Variants in CNMD observed in about 807,000 individuals in gnomAD.
CNMD encodes leukocyte cell-derived chemotaxin 1.
CNMD carries 30 observed loss-of-function variants against 37.5 expected under a neutral mutation model. The ratio of observed to expected loss-of-function variants is 0.80; its 90% CI spans 0.60 to 1.09. CNMD has a LOEUF of 1.09. Ranked by LOEUF, CNMD falls within the 50% of genes least tolerant of loss-of-function variation. The pLI is 0.00. For synonymous variants in CNMD, 167 were observed against 148.2 expected, an observed-to-expected ratio of 1.13 and a Z score of -0.92; for missense variants, 398 against 423.9, an observed-to-expected ratio of 0.94 and a Z score of 0.54.
At chr13:52,735,828 T>G (rs1463972717) in intron 2 of CNMD, among the ~76,000 whole-genome samples, 2 of 58,596 alleles carry the variant, frequency 3.4e-5, no homozygotes, top group Admixed American at 3.5e-4. Context: ...GCGGCCCACC[T>G]TTTTTTTTTT....
In CNMD at chr13:52,703,463, G is replaced by A. The variant is rs1480878682; in HGVS notation, c.*132C>T. ...AACAATTGAAAAAATTCTGTTAAGA[G>A]TGTCAAGAATAACCGCTCAGGTTGA... is the stretch of plus-strand genomic sequence containing the variant. On this transcript the variant is annotated 3_prime_UTR_variant, in exon 7 of 7. Transcript: ENST00000377962. 4 of 606,318 alleles carry A rather than the reference G, an allele frequency of 6.6e-6. No individual in the cohort carries two copies. The highest frequency in any genetic ancestry group is 1.2e-5 in the Non-Finnish European group (4 of 344,856). The allele number at this position is 606,318 out of a possible 1,614,324, so 37.6% of individuals were successfully genotyped here.
At chr13:52,720,420 T>A (rs1964462833) in intron 4 of CNMD, among the ~76,000 whole-genome samples, 1 of 152,122 alleles carries the variant, frequency 6.6e-6, no homozygotes, top group Non-Finnish European at 1.5e-5. Context: ...GGCGTTCTGG[T>A]TTTTGGAATT....
chr13:52,721,330 C>G (rs76417410), intron 4 of CNMD, among the ~76,000 whole-genome samples: 4,055 of 152,298 alleles, frequency 0.027, 180 homozygotes, highest in African/African-American at 0.092. Flanking sequence ...GCTGGTGTTC[C>G]TGGCCCCACT....
At chr13:52,738,995 A>G in intron 2 of CNMD, 36 bp downstream of exon 2, 1 of 1,534,130 alleles carries the variant, frequency 6.5e-7, no homozygotes, top group Non-Finnish European at 8.7e-7. Context: ...ACCATGGGCG[A>G]CACGGGGGTC....
At position 52,739,371 on chromosome 13, in the gene CNMD, C is replaced by T; in HGVS notation, c.73-200G>A. The T allele has an allele frequency of 1.4e-6, 1 of 696,160 alleles. No homozygotes were observed. The highest frequency in any genetic ancestry group is 2.3e-6 in the Non-Finnish European group (1 of 432,116). 43.1% of individuals were successfully genotyped at this position (696,160 alleles called of 1,614,324 possible). ...CAGTCGGGCGTGGAAGTGGGATGAGCAAACCCCGCAGCACAGGGCCTTCGC... is the reference window on the plus strand; with the variant it reads ...CAGTCGGGCGTGGAAGTGGGATGAGTAAACCCCGCAGCACAGGGCCTTCGC... On this transcript the variant is annotated intron_variant, in intron 1 of 6. Coordinates refer to ENST00000377962, the MANE Select transcript of CNMD (RefSeq NM_007015.3). The surrounding 1 kb of genome is among the most constrained non-coding windows in gnomAD (Gnocchi z 5.4).
intron 2 of CNMD, among the ~76,000 whole-genome samples, chr13:52,735,701 C>G (rs190660854): frequency 2.0e-5 from 3 of 151,602 alleles, no homozygotes; most frequent in African/African-American, 7.3e-5. Context: ...AAAAAAATCT[C>G]ATAATGTTTT....
chr13:52,704,369 T>C (rs1964140727), intron 6 of CNMD, among the ~76,000 whole-genome samples: 2 of 152,204 alleles, frequency 1.3e-5, no homozygotes, highest in African/African-American at 4.8e-5. Context: ...GGGGATGTTA[T>C]CTCTATAGGG....
At chr13:52,710,715 T>C (rs537928571) in intron 5 of CNMD, among the ~76,000 whole-genome samples, 6 of 152,364 alleles carry the variant, frequency 3.9e-5, no homozygotes, top group African/African-American at 1.4e-4. Context: ...ATGGATATAA[T>C]CAACATTTAC....
At chr13:52,715,089 A>G (rs1222179135) in intron 4 of CNMD, among the ~76,000 whole-genome samples, 4 of 150,828 alleles carry the variant, frequency 2.7e-5, no homozygotes, top group Non-Finnish European at 5.9e-5. Context: ...TGCAATGCAT[A>G]ATTACCACAT....
chr13:52,725,869 G>A (rs1211488405), intron 3 of CNMD, among the ~76,000 whole-genome samples: 1 of 152,158 alleles, frequency 6.6e-6, no homozygotes, highest in African/African-American at 2.4e-5. Flanking sequence ...TGCTGGAGGG[G>A]ATTAATGGAT....
intron 4 of CNMD, among the ~76,000 whole-genome samples, chr13:52,718,647 C>T (rs941257759): frequency 5.3e-5 from 8 of 152,070 alleles, no homozygotes; most frequent in Non-Finnish European, 1.2e-4. Flanking sequence ...TGTAGTTTTG[C>T]AGTTTTGAGT....
Position 52,739,770 on chromosome 13 carries a change from A to C in CNMD, c.-69T>G. 1 of 1,389,838 alleles carries C rather than the reference A, an allele frequency of 7.2e-7. No individual in the cohort carries two copies. The highest frequency in any genetic ancestry group is 1.0e-6 in the Non-Finnish European group (1 of 981,124). The allele number at this position is 1,389,838 out of a possible 1,614,324, so 86.1% of individuals were successfully genotyped here. A position where few individuals can be genotyped will look rare whatever the true frequency, so the allele number is the denominator to read the frequency against. ...CCCTGGGATCTGTCCCGCTGCCCCGACGTGCAGGGCATTTCAACGCCGCGC... is the reference window on the plus strand; with the variant it reads ...CCCTGGGATCTGTCCCGCTGCCCCGCCGTGCAGGGCATTTCAACGCCGCGC... On this transcript the variant is annotated 5_prime_UTR_variant, in exon 1 of 7. Transcript: ENST00000377962. This position sits in a 1 kb window ranked among gnomAD's most constrained non-coding sequence, Gnocchi z 5.4.
chr13:52,732,031 A>T (rs1220532685), intron 3 of CNMD, among the ~76,000 whole-genome samples: 2 of 152,212 alleles, frequency 1.3e-5, no homozygotes, highest in Non-Finnish European at 2.9e-5. Context: ...CCTTGTCATG[A>T]TCAAATAATA....
chr13:52,732,443 T>C (rs985995632), intron 3 of CNMD, among the ~76,000 whole-genome samples: 13 of 152,214 alleles, frequency 8.5e-5, no homozygotes, highest in African/African-American at 3.1e-4. Context: ...AAATTGCCTG[T>C]AAATGAAATT....
At position 52,733,405 on chromosome 13, in the gene CNMD, T is replaced by C. The variant is rs550470893; in HGVS notation, c.214-46A>G. 39 of 1,591,810 alleles carry C rather than the reference T, an allele frequency of 2.5e-5. No individual in the cohort carries two copies. The South Asian group carries it at 4.3e-4, about 18-fold the overall frequency. The stretch of plus-strand genomic sequence containing the variant: ...TAGTGATGCTTTCTTTTTTGAGCAA[T>C]TCAGGGCTTATCTTTAGAAGGGCAG... On this transcript the variant is annotated intron_variant, in intron 2 of 6. Coordinates refer to ENST00000377962, the MANE Select transcript of CNMD (RefSeq NM_007015.3).
intron 2 of CNMD, 82 bp downstream of exon 2, chr13:52,738,949 C>T (rs764299074): frequency 2.5e-4 from 324 of 1,302,078 alleles, no homozygotes; most frequent in Non-Finnish European, 3.1e-4. Flanking sequence ...AGCCGCGCGC[C>T]CCTCGCCGGC....
At chr13:52,719,393 C>T (rs9536255) in intron 4 of CNMD, among the ~76,000 whole-genome samples, 5,774 of 152,150 alleles carry the variant, frequency 0.038, 99 homozygotes, top group South Asian at 0.063. Context: ...TTATTTTGCC[C>T]GTTAGTTGAT....
chr13:52,705,058 T>TG (rs1184258169), intron 6 of CNMD, among the ~76,000 whole-genome samples: 1 of 17,772 alleles, frequency 5.6e-5, no homozygotes, highest in East Asian at 3.6e-3. Context: ...AACTCTGTCT[T>TG]GGAAAAAAAA....
At position 52,703,764 on chromosome 13, in the gene CNMD, T is replaced by A; in HGVS notation, c.836A>T (p.Glu279Val). ...SMTFDPRLDH[E>V]GICCIECRRS... ...CCTACATTCTATACAACAGATTCCTTCGTGATCCAGTCTAGGGTCGAATGT... is the reference window on the plus strand; with the variant it reads ...CCTACATTCTATACAACAGATTCCTACGTGATCCAGTCTAGGGTCGAATGT... Residue 279 changes from glutamate (E) to valine (V), a missense_variant, in exon 7 of 7, where the codon GAA becomes GTA. Coordinates refer to ENST00000377962, the MANE Select transcript of CNMD (RefSeq NM_007015.3). 1 of 1,614,182 alleles carries A rather than the reference T, an allele frequency of 6.2e-7. No homozygotes were observed. Among genetic ancestry groups the A allele is most frequent in the Non-Finnish European group, 8.5e-7 (1 of 1,180,000 alleles).
Sources: allele counts gnomAD v4.1 joint callset (sites outside exome capture counted in the v4.1 genomes callset), GRCh38; gene constraint gnomAD v4.1.1; non-coding constraint Gnocchi (gnomAD v3.1); transcripts MANE v1.5; gene names NCBI Gene and HGNC (gene_info 2026-07-23, HGNC 2026-07-21).